KANK1: variants seen among roughly 807,000 people sequenced by gnomAD.
KANK1 encodes the protein KN motif and ankyrin repeat domain-containing protein 1.
Under a neutral mutation model 106.2 loss-of-function variants are expected in KANK1, and 109 were observed. The observed-to-expected ratio is 1.03, with a 90% CI of 0.88 to 1.20. The LOEUF (loss-of-function observed/expected upper bound fraction) is 1.20. Ranked by LOEUF, KANK1 falls within the 50% of genes most tolerant of loss-of-function variation. The pLI is 0.00. For missense variants in KANK1, 2,399 were observed against 1,710.7 expected (o/e 1.40, Z -7.10); for synonymous variants, 873 against 652.2 (o/e 1.34, Z -5.16).
intron 1 of KANK1, among the ~76,000 whole-genome samples, chr9:520,528 G>C (rs1039104484): frequency 1.3e-5 from 2 of 151,492 alleles, no homozygotes; most frequent in Non-Finnish European, 2.9e-5. Context: ...GTGACAATGG[G>C]GGATATAATC....
chr9:599,313 C>T (rs1182728716), intron 1 of KANK1, among the ~76,000 whole-genome samples: 4 of 151,374 alleles, frequency 2.6e-5, no homozygotes, highest in Non-Finnish European at 4.4e-5. Flanking sequence ...CCACCACACC[C>T]GGCAAGAAAT....
At position 712,549 on chromosome 9, in the gene KANK1, G is replaced by A; in HGVS notation, c.1783G>A (p.Val595Met). 6.2e-7 allele frequency: 1 copy of A among 1,614,202 alleles called. No individual in the cohort carries two copies. The highest frequency in any genetic ancestry group is 1.1e-5 in the South Asian group (1 of 91,080). ...GGAAATGTGTGACAAGAGTGTGAGT[G>A]TGGAAGTCAGCGTCTGCGAAACAGG... ...SVEMCDKSVS[V>M]EVSVCETGSN... The change falls in exon 3 of 12, where the codon GTG becomes ATG. Residue 595 changes from valine (V) to methionine (M), a missense_variant. Transcript: ENST00000382297.
chr9:673,022 C>T (rs193233245), intron 1 of KANK1, among the ~76,000 whole-genome samples: 1 of 152,000 alleles, frequency 6.6e-6, no homozygotes, highest in African/African-American at 2.4e-5. Context: ...GTGGCCAAAC[C>T]TTTTCTGGTT....
intron 1 of KANK1, among the ~76,000 whole-genome samples, chr9:625,863 C>CTCGGT (rs952452557): frequency 1.3e-5 from 2 of 152,104 alleles, no homozygotes; most frequent in Non-Finnish European, 2.9e-5. Flanking sequence ...TCTCTCACCA[C>CTCGGT]TCGGTTCATT....
At chr9:723,565 C>T (rs1829915306) in intron 3 of KANK1, among the ~76,000 whole-genome samples, 1 of 151,536 alleles carries the variant, frequency 6.6e-6, no homozygotes, top group Non-Finnish European at 1.5e-5. Flanking sequence ...TTCAAGGCTA[C>T]AGTTAGCTAT....
At chr9:529,262 C>T (rs1282803872) in intron 1 of KANK1, among the ~76,000 whole-genome samples, 2 of 151,356 alleles carry the variant, frequency 1.3e-5, no homozygotes, top group African/African-American at 4.9e-5. Context: ...CACATATACA[C>T]ACACACACAG....
At chr9:617,011 T>C (rs1245783543) in intron 1 of KANK1, among the ~76,000 whole-genome samples, 1 of 152,166 alleles carries the variant, frequency 6.6e-6, no homozygotes, top group Admixed American at 6.5e-5. Context: ...ATCTACCACA[T>C]GTTTAAAATG....
At chr9:578,369 A>G (rs917270280) in intron 1 of KANK1, among the ~76,000 whole-genome samples, 1 of 151,916 alleles carries the variant, frequency 6.6e-6, no homozygotes, top group African/African-American at 2.4e-5. Flanking sequence ...TTGCTAAGCC[A>G]TGGAGGGTAA....
intron 1 of KANK1, among the ~76,000 whole-genome samples, chr9:569,146 C>T (rs1392660987): frequency 1.1e-4 from 17 of 152,046 alleles, no homozygotes; most frequent in Admixed American, 1.1e-3. Context: ...CCAGTCCTGC[C>T]CACCTGCCTT....
At chr9:730,589 C>T (rs191756560) in intron 4 of KANK1, 21 of 304,442 alleles carry the variant, frequency 6.9e-5, no homozygotes, top group African/African-American at 4.7e-4. Context: ...GCTACTCCGG[C>T]GGCTGAGGTG....
chr9:589,512 G>A (rs1187624256), intron 1 of KANK1, among the ~76,000 whole-genome samples: 3 of 152,050 alleles, frequency 2.0e-5, no homozygotes, highest in Admixed American at 1.3e-4. Context: ...GGTACCCAGC[G>A]GGGAGAGAGG....
At chr9:730,361 G>C in intron 4 of KANK1, 113 bp downstream of exon 4, 1 of 1,132,400 alleles carries the variant, frequency 8.8e-7, no homozygotes, top group Non-Finnish European at 1.3e-6. Context: ...AGTTAATATC[G>C]TTATTTGGAA....
chr9:594,744 T>C (rs1825808059), intron 1 of KANK1, among the ~76,000 whole-genome samples: 1 of 151,848 alleles, frequency 6.6e-6, no homozygotes, highest in South Asian at 2.1e-4. Context: ...GTTTCTAGAA[T>C]TTAAAAAAAT....
At position 644,549 on chromosome 9, in the gene KANK1, G is replaced by A. The variant is rs117216674; in HGVS notation, c.-83-32341G>A. 1.1e-3 allele frequency among the ~76,000 whole-genome samples: 168 copies of A among 150,906 alleles called. No homozygotes were observed. The East Asian group carries it at 0.029, about 26-fold the overall frequency. ...TTACGTGGCCAGAGCAGGAGGAAGA[G>A]AGAGGAGAGAGGTGCTACACGCTTT... On this transcript the variant is annotated intron_variant, in intron 1 of 11. Transcript: ENST00000382297.
intron 1 of KANK1, among the ~76,000 whole-genome samples, chr9:667,046 T>C (rs1844796409): frequency 6.6e-6 from 1 of 151,778 alleles, no homozygotes; most frequent in East Asian, 1.9e-4. Flanking sequence ...ATAGTTCTTC[T>C]TGAAATGTTT....
At chr9:634,547 T>C (rs1055310148) in intron 1 of KANK1, among the ~76,000 whole-genome samples, 5 of 152,148 alleles carry the variant, frequency 3.3e-5, no homozygotes, top group Non-Finnish European at 7.3e-5. Context: ...TATGCTTACA[T>C]GTTAGCAGAA....
chr9:513,117 G>T (rs2059109367), intron 1 of KANK1, among the ~76,000 whole-genome samples: 1 of 152,196 alleles, frequency 6.6e-6, no homozygotes, highest in Admixed American at 6.5e-5. Flanking sequence ...GCCTATGAGT[G>T]TGTCCTCTTT....
intron 1 of KANK1, among the ~76,000 whole-genome samples, chr9:531,058 G>T (rs1201481442): frequency 1.3e-5 from 2 of 152,052 alleles, no homozygotes; most frequent in South Asian, 2.1e-4. Flanking sequence ...GGCTGGTAAA[G>T]GTCAGAGTTT....
intron 1 of KANK1, among the ~76,000 whole-genome samples, chr9:509,614 T>C (rs768567351): frequency 1.3e-4 from 20 of 152,344 alleles, no homozygotes; most frequent in Non-Finnish European, 2.6e-4. Flanking sequence ...TTATTAGAAA[T>C]GTGTGTTAAT....
Sources: allele counts gnomAD v4.1 joint callset (sites outside exome capture counted in the v4.1 genomes callset), GRCh38; gene constraint gnomAD v4.1.1; transcripts MANE v1.5; gene names NCBI Gene and HGNC (gene_info 2026-07-23, HGNC 2026-07-21).